DZIP3: variants seen among roughly 807,000 people sequenced by gnomAD.
DZIP3 encodes the protein DAZ interacting zinc finger protein 3, also known as E3 ubiquitin-protein ligase DZIP3.
In DZIP3, 118 loss-of-function variants were observed where a neutral mutation model predicts 162.0. The ratio of observed to expected loss-of-function variants is 0.73; its 90% CI spans 0.63 to 0.85. DZIP3 has a LOEUF of 0.85. DZIP3 is among the 40% of genes least tolerant of loss of function. The pLI, the probability that DZIP3 is intolerant of heterozygous loss-of-function variation, is 0.00. For missense variants in DZIP3, 1,331 were observed against 1,407.0 expected (o/e 0.95, Z 0.86); for synonymous variants, 438 against 458.6 (o/e 0.96, Z 0.57).
intron 10 of DZIP3, among the ~76,000 whole-genome samples, chr3:108,635,964 G>C (rs941023993): frequency 1.5e-4 from 23 of 151,870 alleles, no homozygotes; most frequent in Middle Eastern, 3.4e-3. Flanking sequence ...ATATTAGACT[G>C]GTAACTTAAT....
chr3:108,672,587 T>A lies in DZIP3; in HGVS notation c.2520T>A (p.Asn840Lys). ...CTCAGTGGGAAATGGAAAAACATAA[T>A]CTGGAAAGCACAATGAAAACATACG... Reference protein sequence around the residue: ...KRSQWEMEKHNLESTMKTYVS... With the variant: ...KRSQWEMEKHKLESTMKTYVS... The change falls in exon 23 of 33, where the codon AAT becomes AAA. Residue 840 changes from asparagine to lysine, a missense_variant. Coordinates refer to ENST00000361582, the MANE Select transcript of DZIP3 (RefSeq NM_014648.4). The A allele has an allele frequency of 6.2e-7, 1 of 1,611,798 alleles. No individual in the cohort carries two copies. The highest frequency in any genetic ancestry group is 8.5e-7 in the Non-Finnish European group (1 of 1,178,536).
chr3:108,654,400 C>T, intron 19 of DZIP3, 90 bp downstream of exon 19: 2 of 1,406,524 alleles, frequency 1.4e-6, no homozygotes, highest in South Asian at 2.3e-5. Context: ...TTTGAAAAGC[C>T]CAGTGGTTTA....
intron 15 of DZIP3, 91 bp from the exon 16 acceptor site, chr3:108,647,851 GA>G: frequency 3.0e-6 from 3 of 1,009,662 alleles, no homozygotes; most frequent in Non-Finnish European, 4.3e-6. Context: ...TCTGTTTTGT[GA>G]ATGTTGCTTT....
chr3:108,618,646 G>A (rs187772820), intron 5 of DZIP3, among the ~76,000 whole-genome samples: 5 of 152,202 alleles, frequency 3.3e-5, no homozygotes, highest in Admixed American at 2.0e-4. Context: ...ACAAACACAC[G>A]TCTATCTCCA....
In DZIP3 at chr3:108,677,336, A is replaced by ATT. The variant is rs34710471; in HGVS notation, c.2782-147_2782-146dup. Among the ~76,000 whole-genome samples, 270 of 143,980 alleles carry ATT rather than the reference A, an allele frequency of 1.9e-3. 1 individual carries two copies. Among genetic ancestry groups the ATT allele is most frequent in the Middle Eastern group, 7.3e-3 (2 of 274 alleles). 94.5% of individuals were successfully genotyped at this position (143,980 alleles called of 152,430 possible). The stretch of plus-strand genomic sequence containing the variant: ...TTTACATGTGGGGATGGTCTATAGA[A>ATT]TTTTTTTTTTTTTTTGGTCAGAACC... On this transcript the variant is annotated intron_variant, in intron 25 of 32. Transcript: ENST00000361582.
At chr3:108,672,762 T>G (rs897103396) in intron 23 of DZIP3, 106 bp downstream of exon 23, 23 of 903,184 alleles carry the variant, frequency 2.5e-5, no homozygotes, top group Non-Finnish European at 3.2e-5. Flanking sequence ...TAAACAGAAA[T>G]AAGACATCTT....
At chr3:108,658,491 G>C (rs1310055141) in intron 19 of DZIP3, among the ~76,000 whole-genome samples, 2 of 152,106 alleles carry the variant, frequency 1.3e-5, no homozygotes, top group East Asian at 3.8e-4. Context: ...ATTCAAAGCA[G>C]TGTGTAGAGG....
At chr3:108,658,975 G>A (rs1943282926) in intron 19 of DZIP3, among the ~76,000 whole-genome samples, 2 of 152,210 alleles carry the variant, frequency 1.3e-5, no homozygotes, top group South Asian at 4.2e-4. Flanking sequence ...CCAATAACAG[G>A]CTCTGAAATT....
chr3:108,668,823 T>C (rs759511639), intron 21 of DZIP3, among the ~76,000 whole-genome samples: 2 of 151,928 alleles, frequency 1.3e-5, no homozygotes, highest in African/African-American at 2.4e-5. Flanking sequence ...AACATTAAAG[T>C]CGTCATTTCA....
chr3:108,631,008 TACACACAC>T (rs779771238), intron 8 of DZIP3, among the ~76,000 whole-genome samples: 739 of 27,250 alleles, frequency 0.027, 6 homozygotes, highest in South Asian at 0.04. Context: ...ATACATCCCC[TACACACAC>T]ACACACACAC....
Position 108,694,394 on chromosome 3 carries a change from TA to T in DZIP3, c.*1044del, listed in dbSNP as rs1944802052. On this transcript the variant is annotated 3_prime_UTR_variant, in exon 33 of 33. Transcript: ENST00000361582. ...TATTAGTCCATTTTCATGCTGCTGATAAAGACATACCTGAGATTGGGCAATT... is the reference window on the plus strand; with the variant it reads ...TATTAGTCCATTTTCATGCTGCTGATAAGACATACCTGAGATTGGGCAATT... 1 of 157,030 alleles carries T rather than the reference TA, an allele frequency of 6.4e-6. No homozygotes were observed. Among genetic ancestry groups the T allele is most frequent in the African/African-American group, 2.4e-5 (1 of 41,514 alleles). The allele number at this position is 157,030 out of a possible 1,614,324, so 9.7% of individuals were successfully genotyped here. A position where few individuals can be genotyped will look rare whatever the true frequency, so the allele number is the denominator to read the frequency against.
Position 108,636,471 on chromosome 3 carries a change from C to A in DZIP3, c.919-145C>A, listed in dbSNP as rs934831887. 3 of 495,598 alleles carry A rather than the reference C, an allele frequency of 6.1e-6. No individual in the cohort carries two copies. The Admixed American group carries it at 1.2e-4, about 20-fold the overall frequency. 30.7% of individuals were successfully genotyped at this position (495,598 alleles called of 1,614,324 possible). A position where few individuals can be genotyped will look rare whatever the true frequency, so the allele number is the denominator to read the frequency against. ...TCCATTGATATATGAAATGGACCAT[C>A]TTTTAACAGCTACATGTCAAATATT... On this transcript the variant is annotated intron_variant, in intron 10 of 32. Transcript: ENST00000361582.
intron 24 of DZIP3, among the ~76,000 whole-genome samples, chr3:108,674,611 T>C (rs1188870351): frequency 6.6e-6 from 1 of 151,948 alleles, no homozygotes; most frequent in East Asian, 1.9e-4. Context: ...TTCTAATTGT[T>C]TTCCTTTGTA....
At chr3:108,635,630 A>C (rs1476896861) in intron 10 of DZIP3, among the ~76,000 whole-genome samples, 1 of 110,952 alleles carries the variant, frequency 9.0e-6, no homozygotes, top group Non-Finnish European at 2.1e-5. Flanking sequence ...TTATATAATT[A>C]TATAAGTTAT....
intron 17 of DZIP3, 118 bp downstream of exon 17, chr3:108,649,080 T>G: frequency 1.9e-6 from 1 of 539,558 alleles, no homozygotes; most frequent in Non-Finnish European, 2.8e-6. Flanking sequence ...ATTCAATAGC[T>G]TACTGAGTAT....
chr3:108,668,932 T>A (rs1943803955), intron 21 of DZIP3, among the ~76,000 whole-genome samples: 1 of 152,000 alleles, frequency 6.6e-6, no homozygotes, highest in African/African-American at 2.4e-5. Flanking sequence ...AATCTTTTCA[T>A]ATTGAAGTTA....
At position 108,634,870 on chromosome 3, in the gene DZIP3, G is replaced by A; in HGVS notation, c.817-1G>A. The A allele has an allele frequency of 6.3e-7, 1 of 1,592,430 alleles. No individual in the cohort carries two copies. Among genetic ancestry groups the A allele is most frequent in the Non-Finnish European group, 8.6e-7 (1 of 1,168,378 alleles). On this transcript the variant is annotated splice_acceptor_variant, in intron 9 of 32. Transcript: ENST00000361582. LOFTEE classifies it high-confidence loss of function. ...GATAACTTACTTTTATTTTTTTCCA[G>A]GGATTTTTTCAGTTAATGTGCAGTA...
At chr3:108,669,413 A>AG (rs11381101) in intron 21 of DZIP3, among the ~76,000 whole-genome samples, 2,891 of 152,018 alleles carry the variant, frequency 0.019, 99 homozygotes, top group African/African-American at 0.066. Flanking sequence ...CATTGCACTG[A>AG]GATGCAAGAT....
chr3:108,598,794 G>C (rs1939839784), intron 1 of DZIP3, among the ~76,000 whole-genome samples: 1 of 152,144 alleles, frequency 6.6e-6, no homozygotes. Flanking sequence ...TGGAGTATGT[G>C]CTTAGGGGTA....
Sources: allele counts gnomAD v4.1 joint callset (sites outside exome capture counted in the v4.1 genomes callset), GRCh38; gene constraint gnomAD v4.1.1; transcripts MANE v1.5; gene names NCBI Gene and HGNC (gene_info 2026-07-23, HGNC 2026-07-21).